Variants in A2ML1 observed in about 807,000 individuals in gnomAD.
A2ML1 encodes the protein alpha-2-macroglobulin-like protein 1.
A neutral mutation model predicts 181.9 loss-of-function variants in A2ML1; 161 were observed. The ratio of observed to expected loss-of-function variants is 0.89; its 90% CI spans 0.78 to 1.01. The LOEUF (loss-of-function observed/expected upper bound fraction) is 1.01, where lower values mean the gene tolerates loss of function less well. A2ML1 is among the 50% of genes least tolerant of loss of function. A2ML1 has a pLI of 0.00. For missense variants in A2ML1, 1,670 were observed against 1,768.1 expected (o/e 0.94, Z 1.00); for synonymous variants, 663 against 666.8 (o/e 0.99, Z 0.09).
At chr12:8,866,448 C>T (rs1020563892) in intron 29 of A2ML1, among the ~76,000 whole-genome samples, 7 of 151,884 alleles carry the variant, frequency 4.6e-5, no homozygotes, top group South Asian at 2.1e-4. Flanking sequence ...CCTTCTTGCT[C>T]GGTCCTGAAT....
At chr12:8,881,351 C>T (rs9669018), downstream of A2ML1, among the ~76,000 whole-genome samples, 3,653 of 152,260 alleles carry the variant, frequency 0.024, 136 homozygotes, top group African/African-American at 0.083. Flanking sequence ...GAAGTGAGAT[C>T]TGGGCATTTG....
At chr12:8,857,826 C>G (rs182804034) in intron 25 of A2ML1, 120 bp from the exon 26 acceptor site, 3 of 1,394,100 alleles carry the variant, frequency 2.2e-6, no homozygotes, top group Non-Finnish European at 3.0e-6. Context: ...TCTAGGCCTG[C>G]TATGGCATAT....
chr12:8,861,257 C>T lies in A2ML1; in HGVS notation c.3462C>T (p.Asn1154=), dbSNP rs567739487. 9.9e-6 allele frequency: 16 copies of T among 1,613,988 alleles called. No individual in the cohort carries two copies. In the African/African-American group the frequency reaches 1.6e-4, roughly 16 times the overall value. ...TGGCTGGGGAAATGGACATCAGAAA[C>T]ATTCTCCTTAAACAGTTAGATCAAC... ...FSLAGEMDIR[N]ILLKQLDQQA... The change falls in exon 28 of 36, where the codon AAC becomes AAT. Residue 1154 remains asparagine (N), a synonymous_variant. Coordinates refer to ENST00000299698, the MANE Select transcript of A2ML1 (RefSeq NM_144670.6).
chr12:8,858,124 T>G, intron 26 of A2ML1, 22 bp downstream of exon 26: 1 of 1,607,436 alleles, frequency 6.2e-7, no homozygotes. Flanking sequence ...TCCAGGAGCC[T>G]GCAGCCAACC....
chr12:8,868,062 G>A lies in A2ML1; in HGVS notation c.3933+5G>A, dbSNP rs1448145411. ...CAGGGCTGTGTCTATGTGCAGGTAA[G>A]TAGAGATCCATGAGAATGAGCGGAC... On this transcript the variant is annotated splice_donor_5th_base_variant and intron_variant, in intron 30 of 35. Coordinates refer to ENST00000299698, the MANE Select transcript of A2ML1 (RefSeq NM_144670.6). The A allele has an allele frequency of 1.2e-6, 2 of 1,613,122 alleles. No homozygotes were observed. Among genetic ancestry groups the A allele is most frequent in the Non-Finnish European group, 8.5e-7 (1 of 1,179,056 alleles).
chr12:8,823,521 A>T, intron 2 of A2ML1, 156 bp downstream of exon 2: 1 of 1,073,578 alleles, frequency 9.3e-7, no homozygotes, highest in Non-Finnish European at 1.3e-6. Flanking sequence ...GCTATAACTC[A>T]CCCACGGTTT....
chr12:8,836,082 A>G (rs1485813733), intron 6 of A2ML1, among the ~76,000 whole-genome samples, 173 bp from the exon 7 acceptor site: 1 of 151,906 alleles, frequency 6.6e-6, no homozygotes, highest in Non-Finnish European at 1.5e-5. Flanking sequence ...TTATTTACTC[A>G]TTTTTGAATC....
Position 8,852,296 on chromosome 12 carries a change from C to T in A2ML1, c.2550C>T (p.Asp850=), listed in dbSNP as rs1860926. 6.2e-7 allele frequency: 1 copy of T among 1,614,022 alleles called. No homozygotes were observed. Among genetic ancestry groups the T allele is most frequent in the African/African-American group, 1.3e-5 (1 of 74,874 alleles). Residue 850 remains aspartate (D), a synonymous_variant, in exon 20 of 36, where the codon GAC becomes GAT. Transcript: ENST00000299698. The surrounding 1 kb of genome is among the most constrained non-coding windows in gnomAD (Gnocchi z 4.2). ...SQTSSCLCAD[D]AKTHHWNITA... ...CCTCCAGTTGTCTCTGTGCTGATGACGCAAAAACCCACCACTGGAACATCA... is the reference window on the plus strand; with the variant it reads ...CCTCCAGTTGTCTCTGTGCTGATGATGCAAAAACCCACCACTGGAACATCA...
At chr12:8,884,323 T>C (rs1437741708) in intron 7 of A2ML1, among the ~76,000 whole-genome samples, 2 of 151,368 alleles carry the variant, frequency 1.3e-5, no homozygotes, top group Admixed American at 1.3e-4. Context: ...GTTACATAGG[T>C]AAACACGTGT....
downstream of A2ML1, among the ~76,000 whole-genome samples, chr12:8,880,967 G>A (rs2137011854): frequency 6.6e-6 from 1 of 152,218 alleles, no homozygotes. Context: ...AAAGGTTGGA[G>A]GGTTTTGGAA....
At chr12:8,849,827 C>A in intron 17 of A2ML1, 68 bp downstream of exon 17, 2 of 1,449,104 alleles carry the variant, frequency 1.4e-6, no homozygotes, top group East Asian at 2.3e-5. Context: ...CAGATTTCCT[C>A]TTGCCTCCTG....
chr12:8,835,766 G>A, intron 6 of A2ML1, 100 bp downstream of exon 6: 1 of 1,486,594 alleles, frequency 6.7e-7, no homozygotes, highest in Admixed American at 2.0e-5. Flanking sequence ...GTAATCCCAG[G>A]ACTTTGGGAG....
intron 10 of A2ML1, 61 bp downstream of exon 10, chr12:8,839,283 T>G: frequency 8.2e-7 from 1 of 1,217,306 alleles, no homozygotes. Context: ...TTTGCCTCCT[T>G]CCTGCAGCCA....
At chr12:8,880,219 A>G (rs1944857296), downstream of A2ML1, among the ~76,000 whole-genome samples, 1 of 151,684 alleles carries the variant, frequency 6.6e-6, no homozygotes, top group African/African-American at 2.4e-5. Flanking sequence ...CAAAAAAATC[A>G]GCCGAGTGTG....
chr12:8,863,750 C>G (rs755949818), intron 28 of A2ML1, 44 bp from the exon 29 acceptor site: 1 of 1,591,828 alleles, frequency 6.3e-7, no homozygotes, highest in Non-Finnish European at 8.6e-7. Context: ...GTGGGAAAGC[C>G]AGTTCCTTCT....
intron 3 of A2ML1, among the ~76,000 whole-genome samples, chr12:8,828,641 A>G (rs1036731458): frequency 1.3e-5 from 2 of 151,496 alleles, no homozygotes; most frequent in Non-Finnish European, 2.9e-5. Context: ...AGTCCCCTTG[A>G]CTCTTCCCTC....
At chr12:8,841,631 GAATTACATCTTTCTCACTCAC>G in intron 11 of A2ML1, 95 bp downstream of exon 11, 1 of 1,293,754 alleles carries the variant, frequency 7.7e-7, no homozygotes, top group Non-Finnish European at 1.1e-6. Flanking sequence ...CCTCTGCTTG[GAATTACATCTTTCTCACTCAC>G]AAGTCCTGCT....
chr12:8,858,307 G>A, intron 26 of A2ML1: 1 of 551,202 alleles, frequency 1.8e-6, no homozygotes, highest in Non-Finnish European at 3.0e-6. Flanking sequence ...TGAAGCCTGG[G>A]TGCAGTGGCT....
At chr12:8,823,097 C>A in intron 1 of A2ML1, 85 bp from the exon 2 acceptor site, 3 of 1,350,752 alleles carry the variant, frequency 2.2e-6, no homozygotes, top group Non-Finnish European at 3.1e-6. Flanking sequence ...TAATTCACTG[C>A]TACTTGCTGA....
Sources: gnomAD v4.1 joint callset for allele counts (sites outside exome capture counted in the v4.1 genomes callset) on GRCh38, gnomAD v4.1.1 for gene constraint, Gnocchi (gnomAD v3.1) non-coding constraint, MANE v1.5 for transcripts, NCBI Gene and HGNC (gene_info 2026-07-23, HGNC 2026-07-21) for gene names.